LRRC28: variants seen among roughly 807,000 people sequenced by gnomAD.
LRRC28 encodes leucine rich repeat containing 28.
LRRC28 carries 39 observed loss-of-function variants against 45.7 expected under a neutral mutation model. That is an observed-to-expected ratio of 0.85 (90% CI 0.66 to 1.12). The LOEUF (loss-of-function observed/expected upper bound fraction) is 1.12, where lower values mean the gene tolerates loss of function less well. Among genes scored for constraint, LRRC28 ranks in the 50% most tolerant of loss-of-function variants. The probability of loss-of-function intolerance (pLI) is 0.00; values close to 1 mark genes in which losing one functional copy is unlikely to be tolerated. For missense variants in LRRC28, 435 were observed against 438.5 expected, an observed-to-expected ratio of 0.99 and a Z score of 0.07; for synonymous variants, 206 against 178.8, an observed-to-expected ratio of 1.15 and a Z score of -1.22.
intron 9 of LRRC28, among the ~76,000 whole-genome samples, chr15:99,374,769 A>G (rs1597459071): frequency 2.0e-5 from 3 of 150,738 alleles, no homozygotes; most frequent in Middle Eastern, 3.4e-3. Context: ...CTGGGTTCAC[A>G]CCATTCTCCT....
In LRRC28 at chr15:99,387,191, G is replaced by C. The variant is rs948028675; in HGVS notation, c.*1089G>C. ...TTCTCCTGCCTCAGCCTCCCAAGTAGCTGGGACCACAGGCGCCCGCCACCA... is the reference window on the plus strand; with the variant it reads ...TTCTCCTGCCTCAGCCTCCCAAGTACCTGGGACCACAGGCGCCCGCCACCA... On this transcript the variant is annotated 3_prime_UTR_variant, in exon 10 of 10. Transcript: ENST00000301981. 3.5e-5 allele frequency: 5 copies of C among 144,190 alleles called. No homozygotes were observed. Among genetic ancestry groups the C allele is most frequent in the African/African-American group, 1.3e-4 (5 of 38,906 alleles). 8.9% of individuals were successfully genotyped at this position (144,190 alleles called of 1,614,324 possible). A position where few individuals can be genotyped will look rare whatever the true frequency, so the allele number is the denominator to read the frequency against.
chr15:99,334,307 G>C (rs959765602), intron 6 of LRRC28, among the ~76,000 whole-genome samples, 178 bp downstream of exon 6: 2 of 152,110 alleles, frequency 1.3e-5, no homozygotes, highest in Admixed American at 6.5e-5. Flanking sequence ...ATTTATTTCA[G>C]TGAGGGATTT....
intron 6 of LRRC28, among the ~76,000 whole-genome samples, chr15:99,346,156 T>A (rs1385905472): frequency 6.6e-6 from 1 of 151,684 alleles, no homozygotes; most frequent in Non-Finnish European, 1.5e-5. Flanking sequence ...TAATAGTCAT[T>A]TGTTCATTCA....
chr15:99,346,127 A>G (rs1454057004), intron 6 of LRRC28, among the ~76,000 whole-genome samples: 1 of 152,142 alleles, frequency 6.6e-6, no homozygotes, highest in Non-Finnish European at 1.5e-5. Context: ...GACTCTAGAC[A>G]TGGGCCACAA....
chr15:99,282,361 G>T (rs1469837849), intron 3 of LRRC28, among the ~76,000 whole-genome samples: 1 of 151,892 alleles, frequency 6.6e-6, no homozygotes, highest in African/African-American at 2.4e-5. Flanking sequence ...TAGGGAGATT[G>T]TGTGGCTTAC....
At chr15:99,336,442 C>G (rs947561300) in intron 6 of LRRC28, among the ~76,000 whole-genome samples, 1 of 152,156 alleles carries the variant, frequency 6.6e-6, no homozygotes, top group Non-Finnish European at 1.5e-5. Flanking sequence ...ACAGGGGGCC[C>G]TTATTTGGGA....
intron 2 of LRRC28, among the ~76,000 whole-genome samples, chr15:99,268,641 G>T (rs2081393531): frequency 1.3e-5 from 2 of 152,132 alleles, no homozygotes; most frequent in Non-Finnish European, 2.9e-5. Context: ...CTTGTACACG[G>T]ATCTTGGAAC....
chr15:99,360,614 G>T (rs867169216), intron 7 of LRRC28, among the ~76,000 whole-genome samples: 1 of 152,152 alleles, frequency 6.6e-6, no homozygotes, highest in South Asian at 2.1e-4. Flanking sequence ...ATTTCATGTT[G>T]TCTTCAGAGC....
At chr15:99,379,343 A>G (rs1346768987) in intron 9 of LRRC28, among the ~76,000 whole-genome samples, 2 of 152,148 alleles carry the variant, frequency 1.3e-5, no homozygotes, top group African/African-American at 2.4e-5. Context: ...TAATTATAGT[A>G]TTCTCTGATG....
At chr15:99,369,989 G>A (rs1422085618) in intron 9 of LRRC28, among the ~76,000 whole-genome samples, 1 of 152,178 alleles carries the variant, frequency 6.6e-6, no homozygotes, top group Non-Finnish European at 1.5e-5. Flanking sequence ...GATCTAGTTT[G>A]GAAGTTGAGC....
intron 2 of LRRC28, among the ~76,000 whole-genome samples, chr15:99,274,277 C>T (rs534722943): frequency 3.3e-5 from 5 of 152,138 alleles, no homozygotes; most frequent in Non-Finnish European, 7.3e-5. Context: ...GATACTGTTG[C>T]TAAGTATTTA....
chr15:99,256,151 A>G (rs752332969), intron 2 of LRRC28, 26 bp downstream of exon 2: 1 of 1,564,498 alleles, frequency 6.4e-7, no homozygotes, highest in Admixed American at 2.0e-5. Context: ...ACACTACTGA[A>G]AAATTATTTA....
chr15:99,275,582 T>C (rs2081595990), intron 2 of LRRC28, among the ~76,000 whole-genome samples: 1 of 152,202 alleles, frequency 6.6e-6, no homozygotes, highest in African/African-American at 2.4e-5. Context: ...ACTGGGTAAC[T>C]TAAAACAACA....
chr15:99,255,895 T>A lies in LRRC28; in HGVS notation c.-60-3T>A. On this transcript the variant is annotated splice_region_variant and splice_polypyrimidine_tract_variant and intron_variant, in intron 1 of 9. Transcript: ENST00000301981. Reference sequence around the variant, plus strand: ...TGAATAAATTTTCTCGTTCTCTTTATAGAAATGGACCAATTTTGACAAGAT... The same window carrying A: ...TGAATAAATTTTCTCGTTCTCTTTAAAGAAATGGACCAATTTTGACAAGAT... 3 of 1,507,544 alleles carry A rather than the reference T, an allele frequency of 2.0e-6. No homozygotes were observed. Among genetic ancestry groups the A allele is most frequent in the Non-Finnish European group, 1.8e-6 (2 of 1,127,462 alleles). 93.4% of individuals were successfully genotyped at this position (1,507,544 alleles called of 1,614,324 possible).
At chr15:99,326,155 C>T (rs1955968900) in intron 5 of LRRC28, among the ~76,000 whole-genome samples, 1 of 151,410 alleles carries the variant, frequency 6.6e-6, no homozygotes, top group African/African-American at 2.4e-5. Context: ...AGTGGTGTTC[C>T]CAGATTTGGT....
chr15:99,315,526 G>T (rs1955562608), intron 5 of LRRC28, among the ~76,000 whole-genome samples: 2 of 152,118 alleles, frequency 1.3e-5, no homozygotes, highest in Non-Finnish European at 1.5e-5. Context: ...ATGCTTGTTT[G>T]TTGATTAAAC....
intron 9 of LRRC28, among the ~76,000 whole-genome samples, chr15:99,364,605 G>A (rs1957292767): frequency 6.6e-6 from 1 of 152,142 alleles, no homozygotes; most frequent in East Asian, 1.9e-4. Context: ...AAATAGATAC[G>A]TTTATGAGAA....
intron 5 of LRRC28, among the ~76,000 whole-genome samples, chr15:99,302,085 G>A (rs2152245238): frequency 6.6e-6 from 1 of 150,960 alleles, no homozygotes; most frequent in East Asian, 1.9e-4. Context: ...GGAGTGCAGA[G>A]GCGCGATCTC....
intron 3 of LRRC28, among the ~76,000 whole-genome samples, chr15:99,282,541 A>G (rs992313116): frequency 6.6e-6 from 1 of 150,924 alleles, no homozygotes; most frequent in Non-Finnish European, 1.5e-5. Flanking sequence ...CTATGTTTAC[A>G]TATGTTTAGA....
Sources: allele counts gnomAD v4.1 joint callset (sites outside exome capture counted in the v4.1 genomes callset), GRCh38; gene constraint gnomAD v4.1.1; transcripts MANE v1.5; gene names NCBI Gene and HGNC (gene_info 2026-07-23, HGNC 2026-07-21).